Variants in EML4 observed in about 807,000 individuals in gnomAD.
EML4 encodes EMAP like 4.
A neutral mutation model predicts 129.0 loss-of-function variants in EML4; 72 were observed. That is an observed-to-expected ratio of 0.56 (90% CI 0.46 to 0.68). EML4 has a LOEUF of 0.68. EML4 is among the 30% of genes least tolerant of loss of function. The pLI is 0.00. For synonymous variants in EML4, 532 were observed against 405.0 expected (o/e 1.31, Z -3.77); for missense variants, 1,363 against 1,190.6 (o/e 1.14, Z -2.13).
At chr2:42,253,055 G>A (rs7581617) in intron 2 of EML4, among the ~76,000 whole-genome samples, 8 of 152,266 alleles carry the variant, frequency 5.3e-5, no homozygotes, top group African/African-American at 1.7e-4. Context: ...TGATGAATAC[G>A]TTACAGTTTA....
intron 1 of EML4, among the ~76,000 whole-genome samples, chr2:42,191,358 C>T (rs545890128): frequency 2.4e-4 from 36 of 152,230 alleles, no homozygotes; most frequent in Non-Finnish European, 3.8e-4. Context: ...TCATGGCTAC[C>T]GGTAGCTCTG....
chr2:42,308,756 C>T (rs1271456527), intron 17 of EML4, among the ~76,000 whole-genome samples: 1 of 152,086 alleles, frequency 6.6e-6, no homozygotes, highest in African/African-American at 2.4e-5. Flanking sequence ...ACCCACCTCC[C>T]CCCTTACTCT....
rs769211834 is a variant in EML4 at position 42,280,835 on chromosome 2, C to G, written c.668-15C>G. The G allele has an allele frequency of 6.3e-7, 1 of 1,594,522 alleles. No homozygotes were observed. Among genetic ancestry groups the G allele is most frequent in the South Asian group, 1.1e-5 (1 of 87,972 alleles). ...AAAATACGTATGACTTAACTTTTGT[C>G]TTGTGTTTCAACAGAAGGAGAATAT... On this transcript the variant is annotated splice_polypyrimidine_tract_variant and intron_variant, in intron 6 of 22. Transcript: ENST00000318522.
chr2:42,170,611 A>G (rs1423320907), intron 1 of EML4, among the ~76,000 whole-genome samples: 2 of 152,232 alleles, frequency 1.3e-5, no homozygotes, highest in African/African-American at 2.4e-5. Context: ...TGGAATTACT[A>G]TTCTTCGAGG....
intron 2 of EML4, among the ~76,000 whole-genome samples, chr2:42,249,261 C>G (rs1281640692): frequency 6.7e-6 from 1 of 148,432 alleles, no homozygotes. Flanking sequence ...AAAGTAAAGT[C>G]ATTTTTTATA....
At chr2:42,325,637 T>TATATATATGC (rs1553397129) in intron 20 of EML4, 83 bp downstream of exon 20, 3 of 204,854 alleles carry the variant, frequency 1.5e-5, no homozygotes, top group Non-Finnish European at 2.7e-5. Flanking sequence ...TATATATATA[T>TATATATATGC]ATGCTAAGAT....
intron 1 of EML4, among the ~76,000 whole-genome samples, chr2:42,236,455 G>A (rs1183778406): frequency 2.6e-5 from 4 of 152,138 alleles, no homozygotes; most frequent in Non-Finnish European, 1.5e-5. Flanking sequence ...AGACTGCCTG[G>A]GAGGCCACCT....
chr2:42,326,813 C>A (rs977013155), intron 21 of EML4, among the ~76,000 whole-genome samples: 1 of 152,174 alleles, frequency 6.6e-6, no homozygotes, highest in Non-Finnish European at 1.5e-5. Flanking sequence ...ACCTGGGAGG[C>A]AGAGGCTGCA....
chr2:42,244,105 T>TTTG (rs1553374615), intron 1 of EML4, among the ~76,000 whole-genome samples: 21,076 of 102,938 alleles, frequency 0.2, 1,530 homozygotes, highest in East Asian at 0.41. Context: ...TTTTTTGTTT[T>TTTG]TTTTTTTTTT....
At chr2:42,187,337 C>G (rs1402062971) in intron 1 of EML4, among the ~76,000 whole-genome samples, 2 of 152,080 alleles carry the variant, frequency 1.3e-5, no homozygotes, top group African/African-American at 4.8e-5. Context: ...GGTAAGCCAC[C>G]ACATCCAGCG....
At chr2:42,232,947 C>A (rs1558524356) in intron 1 of EML4, among the ~76,000 whole-genome samples, 1 of 152,014 alleles carries the variant, frequency 6.6e-6, no homozygotes, top group African/African-American at 2.4e-5. Context: ...GGATGGTCTC[C>A]ATCTGACCTC....
intron 6 of EML4, among the ~76,000 whole-genome samples, chr2:42,269,558 A>C (rs933457906): frequency 2.0e-5 from 3 of 152,196 alleles, no homozygotes; most frequent in Non-Finnish European, 2.9e-5. Flanking sequence ...TATATGAGGA[A>C]AGAATAAGGA....
intron 1 of EML4, among the ~76,000 whole-genome samples, chr2:42,184,455 T>C (rs922624926): frequency 2.1e-5 from 3 of 145,424 alleles, no homozygotes; most frequent in Non-Finnish European, 4.5e-5. Flanking sequence ...TTAAGAACTT[T>C]CATCTCAAGT....
At chr2:42,287,682 T>C (rs928855301) in intron 10 of EML4, among the ~76,000 whole-genome samples, 1 of 152,198 alleles carries the variant, frequency 6.6e-6, no homozygotes, top group East Asian at 1.9e-4. Flanking sequence ...ACAGGAAATT[T>C]CATTATAAAA....
chr2:42,218,369 T>G (rs1324990240), intron 1 of EML4, among the ~76,000 whole-genome samples: 1 of 152,114 alleles, frequency 6.6e-6, no homozygotes, highest in African/African-American at 2.4e-5. Context: ...ATAATTATTT[T>G]ATTATATATT....
intron 1 of EML4, among the ~76,000 whole-genome samples, chr2:42,245,085 A>ATTTC (rs1558535322): frequency 4.7e-5 from 2 of 42,146 alleles, no homozygotes; most frequent in Non-Finnish European, 8.6e-5. Context: ...TTGTTTTGAA[A>ATTTC]TTTTCTTTCT....
intron 8 of EML4, 99 bp downstream of exon 8, chr2:42,283,071 C>T: frequency 1.7e-6 from 2 of 1,144,172 alleles, no homozygotes; most frequent in East Asian, 2.5e-5. Flanking sequence ...TTGTGGAAAG[C>T]TCAGAATGTA....
intron 3 of EML4, among the ~76,000 whole-genome samples, chr2:42,257,346 G>A (rs1037503512): frequency 1.3e-5 from 2 of 152,108 alleles, no homozygotes; most frequent in South Asian, 2.1e-4. Flanking sequence ...TCTTAAAACC[G>A]TTTTCTTCAA....
chr2:42,272,863 T>G (rs1385587427), intron 6 of EML4, among the ~76,000 whole-genome samples: 3 of 152,206 alleles, frequency 2.0e-5, no homozygotes, highest in Non-Finnish European at 4.4e-5. Context: ...CAAGAACATG[T>G]TCTTAGAAGT....
Sources: allele counts gnomAD v4.1 joint callset (sites outside exome capture counted in the v4.1 genomes callset), GRCh38; gene constraint gnomAD v4.1.1; transcripts MANE v1.5; gene names NCBI Gene and HGNC (gene_info 2026-07-23, HGNC 2026-07-21).